The following NELL1 variants were observed in gnomAD, a reference collection of about 807,000 sequenced individuals.
The protein encoded by NELL1 is neural EGFL like 1.
NELL1 carries 76 observed loss-of-function variants against 107.4 expected under a neutral mutation model. That is an observed-to-expected ratio of 0.71 (90% CI 0.59 to 0.86). NELL1 has a LOEUF of 0.86. Ranked by LOEUF, NELL1 falls within the 40% of genes least tolerant of loss-of-function variation. The pLI, the probability that NELL1 is intolerant of heterozygous loss-of-function variation, is 0.00. For missense variants in NELL1, 1,024 were observed against 1,005.5 expected (o/e 1.02, Z -0.25); for synonymous variants, 353 against 341.2 (o/e 1.03, Z -0.38).
intron 13 of NELL1, among the ~76,000 whole-genome samples, chr11:21,205,000 T>C (rs1347733635): frequency 1.3e-5 from 2 of 152,066 alleles, no homozygotes; most frequent in African/African-American, 4.8e-5. Flanking sequence ...CCCAGAGGGG[T>C]ACCCAACATA....
intron 12 of NELL1, among the ~76,000 whole-genome samples, chr11:20,973,889 C>A (rs1851551857): frequency 1.3e-5 from 2 of 152,174 alleles, no homozygotes; most frequent in African/African-American, 4.8e-5. Context: ...CACCTGGCTC[C>A]TCAAAACTCT....
intron 15 of NELL1, among the ~76,000 whole-genome samples, chr11:21,518,152 A>T (rs1564936337): frequency 6.8e-6 from 1 of 146,038 alleles, no homozygotes. Flanking sequence ...AAAAAAAAAA[A>T]GGTGCTGATT....
chr11:21,400,002 G>A (rs183479234), intron 15 of NELL1, among the ~76,000 whole-genome samples: 21 of 151,898 alleles, frequency 1.4e-4, no homozygotes, highest in African/African-American at 4.8e-4. Context: ...GGATGTGTAT[G>A]CAAATATAAA....
At chr11:21,076,549 A>G (rs1285977497) in intron 12 of NELL1, among the ~76,000 whole-genome samples, 1 of 152,186 alleles carries the variant, frequency 6.6e-6, no homozygotes, top group Non-Finnish European at 1.5e-5. Context: ...AGTGGAGGTA[A>G]GAGAATACGT....
intron 3 of NELL1, among the ~76,000 whole-genome samples, chr11:20,835,723 C>T (rs186050653): frequency 1.3e-5 from 2 of 152,176 alleles, no homozygotes; most frequent in African/African-American, 4.8e-5. Flanking sequence ...ATGGGACATT[C>T]GTATTCAAAA....
intron 15 of NELL1, among the ~76,000 whole-genome samples, chr11:21,466,470 A>T (rs1179793342): frequency 6.6e-6 from 1 of 152,196 alleles, no homozygotes; most frequent in African/African-American, 2.4e-5. Context: ...CCCAGAGAGA[A>T]ACAAGGTGGG....
intron 2 of NELL1, among the ~76,000 whole-genome samples, chr11:20,760,222 A>G (rs1460036049): frequency 6.6e-6 from 1 of 152,212 alleles, no homozygotes. Context: ...GATTGACACT[A>G]GATTGGAGAA....
intron 15 of NELL1, among the ~76,000 whole-genome samples, chr11:21,422,157 G>A (rs1253661280): frequency 1.3e-5 from 2 of 152,006 alleles, no homozygotes; most frequent in East Asian, 3.9e-4. Context: ...GTGCAAGAGA[G>A]AGAGAAGAAG....
chr11:20,744,198 C>G (rs1855952514), intron 2 of NELL1, among the ~76,000 whole-genome samples: 1 of 152,208 alleles, frequency 6.6e-6, no homozygotes, highest in African/African-American at 2.4e-5. Context: ...CACTCTAGTC[C>G]ATCCTACAGG....
At chr11:21,298,467 A>G (rs1254412942) in intron 14 of NELL1, among the ~76,000 whole-genome samples, 1 of 151,916 alleles carries the variant, frequency 6.6e-6, no homozygotes, top group East Asian at 1.9e-4. Context: ...CACCTCTCTG[A>G]CACCGTTTTG....
chr11:21,143,260 A>C (rs2133774619), intron 13 of NELL1, among the ~76,000 whole-genome samples: 1 of 152,308 alleles, frequency 6.6e-6, no homozygotes, highest in Non-Finnish European at 1.5e-5. Flanking sequence ...ACTTTTTATT[A>C]TCATAATAGC....
At chr11:21,352,603 C>T (rs113212596) in intron 14 of NELL1, among the ~76,000 whole-genome samples, 41 of 152,200 alleles carry the variant, frequency 2.7e-4, no homozygotes, top group African/African-American at 9.2e-4. Context: ...TTTCTTCTCA[C>T]GAAAAATACA....
At chr11:20,938,412 G>A (rs1278771828) in intron 10 of NELL1, among the ~76,000 whole-genome samples, 1 of 152,174 alleles carries the variant, frequency 6.6e-6, no homozygotes, top group African/African-American at 2.4e-5. Flanking sequence ...CAAAGTCACT[G>A]TCTTTATAGA....
intron 15 of NELL1, among the ~76,000 whole-genome samples, chr11:21,487,532 C>A (rs1420671013): frequency 1.3e-5 from 2 of 151,974 alleles, no homozygotes; most frequent in Non-Finnish European, 2.9e-5. Context: ...GTAAACCATA[C>A]ACACAAATGA....
At chr11:20,822,869 AAGAT>A (rs1417387023) in intron 3 of NELL1, among the ~76,000 whole-genome samples, 1 of 152,216 alleles carries the variant, frequency 6.6e-6, no homozygotes, top group Non-Finnish European at 1.5e-5. Context: ...GTCTTGTAGT[AAGAT>A]AGACTGAATG....
intron 16 of NELL1, among the ~76,000 whole-genome samples, chr11:21,556,903 C>T (rs1564959136): frequency 6.6e-6 from 1 of 151,824 alleles, no homozygotes; most frequent in African/African-American, 2.4e-5. Context: ...TCAAATACTT[C>T]GTGTAATTTT....
chr11:20,981,439 T>C (rs1360278141), intron 12 of NELL1, among the ~76,000 whole-genome samples: 1 of 152,106 alleles, frequency 6.6e-6, no homozygotes, highest in African/African-American at 2.4e-5. Flanking sequence ...ATTTGAAAAG[T>C]TGACTATATC....
intron 4 of NELL1, among the ~76,000 whole-genome samples, chr11:20,871,114 C>T (rs1849187586): frequency 6.6e-6 from 1 of 152,182 alleles, no homozygotes; most frequent in Non-Finnish European, 1.5e-5. Flanking sequence ...ATAGAAGTAG[C>T]TACCATTATT....
intron 15 of NELL1, among the ~76,000 whole-genome samples, chr11:21,459,065 C>G (rs140191356): frequency 1.9e-4 from 29 of 152,170 alleles, no homozygotes; most frequent in African/African-American, 6.7e-4. Flanking sequence ...ATGTGAGATT[C>G]ATACCCAATT....
Sources: gnomAD v4.1 joint callset for allele counts (sites outside exome capture counted in the v4.1 genomes callset) on GRCh38, gnomAD v4.1.1 for gene constraint, MANE v1.5 for transcripts, NCBI Gene and HGNC (gene_info 2026-07-23, HGNC 2026-07-21) for gene names.